GPC5: variants seen among roughly 807,000 people sequenced by gnomAD.
GPC5 encodes the protein glypican 5.
In GPC5, 47 loss-of-function variants were observed where a neutral mutation model predicts 53.9. The ratio of observed to expected loss-of-function variants is 0.87; its 90% confidence interval spans 0.69 to 1.11. GPC5 has a LOEUF of 1.11. Ranked by LOEUF, GPC5 falls within the 50% of genes most tolerant of loss-of-function variation. The pLI is 0.00. For synonymous variants in GPC5, 286 were observed against 263.3 expected, an observed-to-expected ratio of 1.09 and a Z score of -0.84; for missense variants, 748 against 713.1, an observed-to-expected ratio of 1.05 and a Z score of -0.56.
chr13:91,628,516 A>ATCTCTCTG (rs1352464125), intron 2 of GPC5, among the ~76,000 whole-genome samples: 4 of 148,260 alleles, frequency 2.7e-5, no homozygotes, highest in East Asian at 2.0e-4. Context: ...CTCTCTATCT[A>ATCTCTCTG]TCTGTCATCT....
intron 2 of GPC5, among the ~76,000 whole-genome samples, chr13:91,680,372 C>A (rs944789623): frequency 6.6e-6 from 1 of 152,142 alleles, no homozygotes; most frequent in Non-Finnish European, 1.5e-5. Context: ...TCACTTGAAC[C>A]AGGGAGGCGG....
At chr13:91,818,866 C>T (rs969927809) in intron 5 of GPC5, among the ~76,000 whole-genome samples, 3 of 152,200 alleles carry the variant, frequency 2.0e-5, no homozygotes, top group African/African-American at 7.2e-5. Context: ...AGTCCGTCCT[C>T]ATGTGTTGGA....
At chr13:92,434,429 T>G (rs2139377978) in intron 7 of GPC5, among the ~76,000 whole-genome samples, 1 of 152,228 alleles carries the variant, frequency 6.6e-6, no homozygotes, top group African/African-American at 2.4e-5. Flanking sequence ...TATCAGTCAG[T>G]TATAGTCCTA....
intron 7 of GPC5, among the ~76,000 whole-genome samples, chr13:92,196,214 T>G (rs1355665786): frequency 6.6e-6 from 1 of 152,218 alleles, no homozygotes; most frequent in Non-Finnish European, 1.5e-5. Flanking sequence ...AGTATCTATA[T>G]AAAATAGTTT....
intron 3 of GPC5, among the ~76,000 whole-genome samples, chr13:91,710,296 A>C (rs1031816747): frequency 2.0e-5 from 3 of 152,232 alleles, no homozygotes; most frequent in African/African-American, 7.2e-5. Flanking sequence ...TTGAATCTTA[A>C]ATTACTAACA....
chr13:91,917,326 G>T (rs1196727271), intron 6 of GPC5, among the ~76,000 whole-genome samples: 1 of 152,216 alleles, frequency 6.6e-6, no homozygotes, highest in Non-Finnish European at 1.5e-5. Flanking sequence ...TCACACTGAT[G>T]CAAGAGGTGG....
At chr13:92,528,109 C>T (rs1881430285) in intron 7 of GPC5, among the ~76,000 whole-genome samples, 1 of 151,950 alleles carries the variant, frequency 6.6e-6, no homozygotes, top group Non-Finnish European at 1.5e-5. Context: ...AGAATTGAAA[C>T]CTAAAATATC....
At chr13:91,868,587 C>G (rs1185030866) in intron 5 of GPC5, among the ~76,000 whole-genome samples, 1 of 152,044 alleles carries the variant, frequency 6.6e-6, no homozygotes, top group African/African-American at 2.4e-5. Flanking sequence ...TGACTGTAAT[C>G]CCAGCTACTC....
chr13:92,290,497 T>C (rs1391631571), intron 7 of GPC5, among the ~76,000 whole-genome samples: 1 of 152,102 alleles, frequency 6.6e-6, no homozygotes, highest in African/African-American at 2.4e-5. Context: ...TCTGACCCTT[T>C]CCCCAAGTCC....
chr13:92,269,284 A>G (rs565777513), intron 7 of GPC5, among the ~76,000 whole-genome samples: 8 of 152,112 alleles, frequency 5.3e-5, no homozygotes, highest in Non-Finnish European at 1.0e-4. Flanking sequence ...CAATTTTTAT[A>G]TATCTGATTT....
chr13:92,289,098 A>C (rs2139180688), intron 7 of GPC5, among the ~76,000 whole-genome samples: 1 of 150,602 alleles, frequency 6.6e-6, no homozygotes, highest in South Asian at 2.1e-4. Flanking sequence ...CAAAAAAAAA[A>C]AAGCCCTAAT....
chr13:91,923,933 T>C (rs1361739099), intron 6 of GPC5, among the ~76,000 whole-genome samples: 1 of 152,144 alleles, frequency 6.6e-6, no homozygotes, highest in Non-Finnish European at 1.5e-5. Flanking sequence ...AGATAGTTGC[T>C]AAATTCACTC....
chr13:91,654,462 A>G (rs2034798229), intron 2 of GPC5, among the ~76,000 whole-genome samples: 1 of 152,100 alleles, frequency 6.6e-6, no homozygotes, highest in African/African-American at 2.4e-5. Flanking sequence ...TTACTATTGT[A>G]GAAAGATATT....
At chr13:92,122,574 T>C (rs1301887119) in intron 6 of GPC5, among the ~76,000 whole-genome samples, 1 of 151,990 alleles carries the variant, frequency 6.6e-6, no homozygotes, top group East Asian at 1.9e-4. Context: ...AAAACTTCCC[T>C]GTAAATGAGG....
chr13:91,699,686 A>C (rs758966654), intron 3 of GPC5, among the ~76,000 whole-genome samples: 1 of 152,242 alleles, frequency 6.6e-6, no homozygotes, highest in African/African-American at 2.4e-5. Context: ...AAAGAATCCA[A>C]TGAAAGTGGG....
chr13:92,538,173 A>G (rs1487005146), intron 7 of GPC5, among the ~76,000 whole-genome samples: 1 of 152,078 alleles, frequency 6.6e-6, no homozygotes, highest in Non-Finnish European at 1.5e-5. Flanking sequence ...TGTTTAGAGT[A>G]ACCACATTTT....
At chr13:92,191,545 T>A (rs76983946) in intron 7 of GPC5, among the ~76,000 whole-genome samples, 1 of 152,154 alleles carries the variant, frequency 6.6e-6, no homozygotes, top group Non-Finnish European at 1.5e-5. Context: ...AAAACTTATA[T>A]CCATATAGAA....
At chr13:91,809,443 C>T (rs1489164244) in intron 5 of GPC5, among the ~76,000 whole-genome samples, 1 of 152,096 alleles carries the variant, frequency 6.6e-6, no homozygotes, top group Non-Finnish European at 1.5e-5. Context: ...CTTTGCTTTG[C>T]CTTGCCAAGT....
chr13:92,536,365 C>A (rs992194211), intron 7 of GPC5, among the ~76,000 whole-genome samples: 1 of 151,936 alleles, frequency 6.6e-6, no homozygotes, highest in African/African-American at 2.4e-5. Flanking sequence ...ATGTTAATTC[C>A]ATTACTAATA....
Sources: gnomAD v4.1 joint callset for allele counts (sites outside exome capture counted in the v4.1 genomes callset) on GRCh38, gnomAD v4.1.1 for gene constraint, MANE v1.5 for transcripts, NCBI Gene and HGNC (gene_info 2026-07-23, HGNC 2026-07-21) for gene names.